The following APBA1 variants were observed in gnomAD, a reference collection of about 807,000 sequenced individuals.
APBA1 encodes the protein amyloid beta precursor protein binding family A member 1, also known as amyloid-beta A4 precursor protein-binding family A member 1.
Under a neutral mutation model 86.6 loss-of-function variants are expected in APBA1, and 55 were observed. The ratio of observed to expected loss-of-function variants is 0.64; its 90% confidence interval spans 0.51 to 0.80. The LOEUF (loss-of-function observed/expected upper bound fraction) is 0.80, where lower values mean the gene tolerates loss of function less well. Ranked by LOEUF, APBA1 falls within the 30% of genes least tolerant of loss-of-function variation. The probability of loss-of-function intolerance (pLI) is 0.00; values close to 1 mark genes in which losing one functional copy is unlikely to be tolerated. For synonymous variants in APBA1, 511 were observed against 493.9 expected, an observed-to-expected ratio of 1.03 and a Z score of -0.46; for missense variants, 1,090 against 1,183.0, an observed-to-expected ratio of 0.92 and a Z score of 1.15.
In APBA1 at chr9:69,671,032, G is replaced by A. The variant is rs147591750; in HGVS notation, c.-70+1121C>T. On this transcript the variant is annotated intron_variant, in intron 1 of 12. Coordinates refer to ENST00000265381, the MANE Select transcript of APBA1 (RefSeq NM_001163.4). ...TCTTCTTTTTAAAAGACCGCCCCCCGCCCCACCGCATCTCTCTATACGTAT... is the reference window on the plus strand; with the variant it reads ...TCTTCTTTTTAAAAGACCGCCCCCCACCCCACCGCATCTCTCTATACGTAT... Among the ~76,000 whole-genome samples, 472 of 151,614 alleles carry A rather than the reference G, an allele frequency of 3.1e-3. 2 individuals are homozygous for A. Among genetic ancestry groups the A allele is most frequent in the African/African-American group, 0.011 (444 of 41,276 alleles).
chr9:69,538,669 G>A (rs1224675863), intron 1 of APBA1, among the ~76,000 whole-genome samples: 1 of 152,196 alleles, frequency 6.6e-6, no homozygotes, highest in African/African-American at 2.4e-5. Flanking sequence ...CATAGGTAGT[G>A]TCAAAACTGT....
intron 1 of APBA1, among the ~76,000 whole-genome samples, chr9:69,612,699 G>A (rs987689055): frequency 2.6e-5 from 4 of 152,014 alleles, no homozygotes; most frequent in Non-Finnish European, 5.9e-5. Context: ...TATACAAAAT[G>A]TACCAAAAAG....
rs148109869 is a variant in APBA1, at chr9:69,536,394, G to A, written c.-69-19115C>T. On this transcript the variant is annotated intron_variant, in intron 1 of 12. Coordinates refer to ENST00000265381, the MANE Select transcript of APBA1 (RefSeq NM_001163.4). ...AGGATTAAAGACATGATGATGGCCA[G>A]TCTTGATTCCTCCACACGCCTGTTC... Among the ~76,000 whole-genome samples, 176 of 152,062 alleles carry A rather than the reference G, an allele frequency of 1.2e-3. 4 individuals are homozygous for A. The highest frequency in any genetic ancestry group is 6.8e-3 in the Middle Eastern group (2 of 292).
intron 1 of APBA1, among the ~76,000 whole-genome samples, chr9:69,623,524 T>C (rs750499149): frequency 1.4e-4 from 21 of 152,232 alleles, no homozygotes; most frequent in Admixed American, 5.2e-4. Flanking sequence ...AGGAAGTGGA[T>C]GGGTCAAAGA....
chr9:69,575,550 C>T (rs1335443784), intron 1 of APBA1, among the ~76,000 whole-genome samples: 1 of 152,070 alleles, frequency 6.6e-6, no homozygotes, highest in Non-Finnish European at 1.5e-5. Context: ...AGAAATAATG[C>T]CGCATATCTA....
intron 1 of APBA1, among the ~76,000 whole-genome samples, chr9:69,627,059 C>T (rs1222448280): frequency 6.6e-6 from 1 of 152,130 alleles, no homozygotes; most frequent in Non-Finnish European, 1.5e-5. Flanking sequence ...ACTCTTTATT[C>T]TGAAACTAAT....
At chr9:69,586,863 C>T (rs1206015593) in intron 1 of APBA1, among the ~76,000 whole-genome samples, 1 of 152,204 alleles carries the variant, frequency 6.6e-6, no homozygotes, top group Non-Finnish European at 1.5e-5. Flanking sequence ...CCACTTAGCT[C>T]TCTCCTTAGT....
intron 1 of APBA1, among the ~76,000 whole-genome samples, chr9:69,546,128 T>C (rs1836693675): frequency 6.6e-6 from 1 of 152,176 alleles, no homozygotes; most frequent in African/African-American, 2.4e-5. Flanking sequence ...GAAAATGAGG[T>C]TGTCATTTGT....
chr9:69,435,424 G>C (rs1273119697), intron 11 of APBA1, among the ~76,000 whole-genome samples: 1 of 151,962 alleles, frequency 6.6e-6, no homozygotes, highest in Non-Finnish European at 1.5e-5. Context: ...GTGTAAAAGT[G>C]TTCGTATTTC....
intron 1 of APBA1, among the ~76,000 whole-genome samples, chr9:69,649,079 G>GTCATCTTTCCAGTT (rs1214024525): frequency 6.6e-6 from 1 of 152,132 alleles, no homozygotes; most frequent in Admixed American, 6.5e-5. Context: ...TTTACCTGCT[G>GTCATCTTTCCAGTT]AATATCTTTC....
At chr9:69,582,777 G>C (rs1821938178) in intron 1 of APBA1, among the ~76,000 whole-genome samples, 2 of 152,150 alleles carry the variant, frequency 1.3e-5, no homozygotes, top group African/African-American at 4.8e-5. Flanking sequence ...GCCTGAGCTT[G>C]TTTGCCCAGT....
intron 1 of APBA1, among the ~76,000 whole-genome samples, chr9:69,635,111 AT>A (rs578010119): frequency 1.1e-3 from 172 of 152,348 alleles, no homozygotes; most frequent in African/African-American, 3.8e-3. Context: ...GTATAAGTAT[AT>A]CTTGAGTAGA....
chr9:69,606,408 C>CT (rs978945023), intron 1 of APBA1, among the ~76,000 whole-genome samples: 56 of 137,556 alleles, frequency 4.1e-4, no homozygotes, highest in African/African-American at 1.4e-3. Context: ...GTATCGCCTA[C>CT]TTTTTTACAG....
intron 8 of APBA1, among the ~76,000 whole-genome samples, chr9:69,455,300 G>A (rs1835077181): frequency 6.6e-6 from 1 of 152,064 alleles, no homozygotes. Flanking sequence ...GCCCTCAGGG[G>A]GTGGGTGAGT....
intron 5 of APBA1, chr9:69,462,995 T>C (rs1406895103): frequency 6.6e-6 from 1 of 152,096 alleles, no homozygotes; most frequent in Non-Finnish European, 1.5e-5. Context: ...TCCCCTAAGG[T>C]ATATGGGGGC....
chr9:69,534,272 G>A (rs1416599630), intron 1 of APBA1, among the ~76,000 whole-genome samples: 6 of 152,090 alleles, frequency 3.9e-5, no homozygotes, highest in Non-Finnish European at 8.8e-5. Flanking sequence ...AAAAATTGAA[G>A]CTCACCCTTC....
chr9:69,466,748 C>A (rs981601452), intron 5 of APBA1, among the ~76,000 whole-genome samples: 1 of 152,216 alleles, frequency 6.6e-6, no homozygotes, highest in Admixed American at 6.5e-5. Context: ...TCAGTTACTG[C>A]GGTCTACCTG....
intron 1 of APBA1, among the ~76,000 whole-genome samples, chr9:69,621,008 A>G (rs4744573): frequency 0.98 from 148,517 of 152,322 alleles, 72,508 homozygotes; most frequent in East Asian, 1. Flanking sequence ...GCTCTGCCTT[A>G]TATTAACTGT....
At chr9:69,590,505 C>G (rs950980804) in intron 1 of APBA1, among the ~76,000 whole-genome samples, 1 of 152,178 alleles carries the variant, frequency 6.6e-6, no homozygotes, top group African/African-American at 2.4e-5. Context: ...AGCACTGGCA[C>G]TGAGCAATCT....
Sources: gnomAD v4.1 joint callset for allele counts (sites outside exome capture counted in the v4.1 genomes callset) on GRCh38, gnomAD v4.1.1 for gene constraint, MANE v1.5 for transcripts, NCBI Gene and HGNC (gene_info 2026-07-23, HGNC 2026-07-21) for gene names.